The following ZMIZ1 variants were observed in gnomAD, a reference collection of about 807,000 sequenced individuals.
The protein encoded by ZMIZ1 is zinc finger MIZ domain-containing protein 1.
A neutral mutation model predicts 113.9 loss-of-function variants in ZMIZ1; 17 were observed. The ratio of observed to expected loss-of-function variants is 0.15; its 90% CI spans 0.10 to 0.22. The LOEUF is 0.22. Among genes scored for constraint, ZMIZ1 ranks in the 10% least tolerant of loss-of-function variants. The probability of loss-of-function intolerance (pLI) is 1.00; values close to 1 mark genes in which losing one functional copy is unlikely to be tolerated. For missense variants in ZMIZ1, 1,059 were observed against 1,477.8 expected, an observed-to-expected ratio of 0.72 and a Z score of 4.65; for synonymous variants, 607 against 603.1, an observed-to-expected ratio of 1.01 and a Z score of -0.09.
chr10:79,283,984 A>C (rs572003858), intron 8 of ZMIZ1, among the ~76,000 whole-genome samples: 1 of 152,346 alleles, frequency 6.6e-6, no homozygotes, highest in Admixed American at 6.5e-5. Context: ...GAAATTAATT[A>C]GAGTCTGACA....
At chr10:79,099,128 G>A (rs1460125898) in intron 1 of ZMIZ1, among the ~76,000 whole-genome samples, 2 of 152,174 alleles carry the variant, frequency 1.3e-5, no homozygotes, top group Admixed American at 1.3e-4. Flanking sequence ...CCACCCTAGA[G>A]CACCACAGTG....
At chr10:79,281,124 A>G (rs2131990293) in intron 8 of ZMIZ1, among the ~76,000 whole-genome samples, 1 of 152,334 alleles carries the variant, frequency 6.6e-6, no homozygotes, top group South Asian at 2.1e-4. Flanking sequence ...TGTTCAGGTC[A>G]CAGAGTGCCA....
chr10:79,303,097 C>T (rs1248537444), intron 18 of ZMIZ1, among the ~76,000 whole-genome samples: 2 of 151,810 alleles, frequency 1.3e-5, no homozygotes, highest in East Asian at 2.0e-4. Flanking sequence ...CCTGACCTCA[C>T]GATCCGCCCA....
At chr10:79,072,791 G>A (rs56186094) in intron 1 of ZMIZ1, among the ~76,000 whole-genome samples, 6,501 of 152,314 alleles carry the variant, frequency 0.043, 421 homozygotes, top group African/African-American at 0.15. Flanking sequence ...TAGATTTTGT[G>A]TGGACAACAA....
At chr10:79,272,200 C>T (rs1165724577) in intron 7 of ZMIZ1, among the ~76,000 whole-genome samples, 1 of 151,940 alleles carries the variant, frequency 6.6e-6, no homozygotes, top group Non-Finnish European at 1.5e-5. Flanking sequence ...GCACAAGAAT[C>T]GCTTGAATCC....
chr10:79,237,895 C>T (rs1849657330), intron 7 of ZMIZ1, among the ~76,000 whole-genome samples: 1 of 152,222 alleles, frequency 6.6e-6, no homozygotes, highest in African/African-American at 2.4e-5. Flanking sequence ...CCTAACAGCT[C>T]GTCAGGGCCA....
chr10:79,089,488 G>A (rs1170439506), intron 1 of ZMIZ1, among the ~76,000 whole-genome samples: 6 of 152,186 alleles, frequency 3.9e-5, no homozygotes, highest in African/African-American at 9.7e-5. Flanking sequence ...GCCTCCTTCC[G>A]ACAGAAGCAC....
intron 3 of ZMIZ1, among the ~76,000 whole-genome samples, chr10:79,141,878 G>A (rs1028644733): frequency 2.6e-5 from 4 of 152,342 alleles, no homozygotes; most frequent in Middle Eastern, 3.4e-3. Flanking sequence ...TCCTGTAGGC[G>A]GACAAGTGTG....
chr10:79,085,088 A>G (rs543354185), intron 1 of ZMIZ1, among the ~76,000 whole-genome samples: 19 of 152,270 alleles, frequency 1.2e-4, no homozygotes, highest in African/African-American at 7.2e-5. Flanking sequence ...TCTGAGGGCC[A>G]CAGGTCCTGT....
At chr10:79,209,094 G>T (rs1019039771) in intron 6 of ZMIZ1, among the ~76,000 whole-genome samples, 1 of 152,124 alleles carries the variant, frequency 6.6e-6, no homozygotes, top group Non-Finnish European at 1.5e-5. Context: ...GCGGGGCAGG[G>T]TGCATAAAAC....
chr10:79,145,714 AT>A lies in ZMIZ1; in HGVS notation c.-131+5939del, dbSNP rs1443236597. 2.0e-5 allele frequency among the ~76,000 whole-genome samples: 3 copies of A among 152,220 alleles called. No individual in the cohort carries two copies. In the East Asian group the frequency reaches 5.8e-4, roughly 29 times the overall value. On this transcript the variant is annotated intron_variant, in intron 3 of 24. Transcript: ENST00000334512. ...TAGCGGAGGGAGGGGCTTGGCCAGA[AT>A]TAGCCTTTTTACTTTCTTAAGAGAC...
rs1402426245 is a variant in ZMIZ1 at position 79,130,744 on chromosome 10, G to A, written c.-226-8938G>A. Among the ~76,000 whole-genome samples, 9 of 152,056 alleles carry A rather than the reference G, an allele frequency of 5.9e-5. No individual in the cohort carries two copies. In the South Asian group the frequency reaches 1.7e-3, roughly 28 times the overall value. ...TCAATGACATCATTTCTGAAATGTG[G>A]GTAATAATATTCTGTCCTTCACAGG... On this transcript the variant is annotated intron_variant, in intron 2 of 24. Transcript: ENST00000334512.
intron 3 of ZMIZ1, among the ~76,000 whole-genome samples, chr10:79,150,077 G>A (rs141934387): frequency 0.017 from 2,566 of 152,328 alleles, 33 homozygotes; most frequent in Non-Finnish European, 0.028. Context: ...GGGCCAGTGG[G>A]ACAGGAAGCC....
chr10:79,229,815 G>A (rs1849324117), intron 7 of ZMIZ1, among the ~76,000 whole-genome samples: 1 of 152,092 alleles, frequency 6.6e-6, no homozygotes, highest in South Asian at 2.1e-4. Flanking sequence ...TGGGGAAGCA[G>A]AGAGGCGGGA....
At chr10:79,072,290 C>A (rs1435217712) in intron 1 of ZMIZ1, among the ~76,000 whole-genome samples, 6 of 152,190 alleles carry the variant, frequency 3.9e-5, no homozygotes, top group Admixed American at 3.9e-4. Context: ...ACACTCACTT[C>A]CCTAGCCACA....
chr10:79,139,716 A>G lies in ZMIZ1; in HGVS notation c.-192A>G, dbSNP rs1223619545. On this transcript the variant is annotated 5_prime_UTR_variant, in exon 3 of 25. It removes an upstream start codon present in the reference 5' UTR. Coordinates refer to ENST00000334512, the MANE Select transcript of ZMIZ1 (RefSeq NM_020338.4). ...GAGGAGGCCCGTTGGCGTCGGACCA[A>G]TGCTGCAAGGGGTGTGAGGAGAGGA... 6 of 398,866 alleles carry G rather than the reference A, an allele frequency of 1.5e-5. No individual in the cohort carries two copies. The highest frequency in any genetic ancestry group is 1.4e-4 in the East Asian group (4 of 28,146). 24.7% of individuals were successfully genotyped at this position (398,866 alleles called of 1,614,324 possible).
At chr10:79,240,974 A>C (rs942015524) in intron 7 of ZMIZ1, among the ~76,000 whole-genome samples, 6 of 152,140 alleles carry the variant, frequency 3.9e-5, no homozygotes, top group African/African-American at 1.4e-4. Context: ...CTCAAAAATG[A>C]ATTTGGAAGT....
intron 1 of ZMIZ1, among the ~76,000 whole-genome samples, chr10:79,108,384 C>T (rs576268621): frequency 5.9e-5 from 9 of 152,164 alleles, no homozygotes; most frequent in Non-Finnish European, 7.3e-5. Flanking sequence ...GTGTTACTGT[C>T]TGGGAATGGA....
intron 5 of ZMIZ1, among the ~76,000 whole-genome samples, chr10:79,203,893 A>G (rs910268590): frequency 6.6e-6 from 1 of 152,166 alleles, no homozygotes; most frequent in African/African-American, 2.4e-5. Context: ...CGGCACACAC[A>G]TGCGTGCACA....
Sources: allele counts gnomAD v4.1 joint callset (sites outside exome capture counted in the v4.1 genomes callset), GRCh38; gene constraint gnomAD v4.1.1; transcripts MANE v1.5; gene names NCBI Gene and HGNC (gene_info 2026-07-23, HGNC 2026-07-21).